Variants in AJAP1 observed in about 807,000 individuals in gnomAD.
The protein encoded by AJAP1 is adherens junction-associated protein 1.
Under a neutral mutation model 35.0 loss-of-function variants are expected in AJAP1, and 5 were observed. The observed-to-expected ratio is 0.14, with a 90% CI of 0.07 to 0.30. The LOEUF is 0.30. Among genes scored for constraint, AJAP1 ranks in the 10% least tolerant of loss-of-function variants. The pLI is 1.00. For missense variants in AJAP1, 586 were observed against 571.0 expected (o/e 1.03, Z -0.27); for synonymous variants, 284 against 249.3 (o/e 1.14, Z -1.31).
rs1639766727 is a variant in AJAP1 at position 4,692,541 on chromosome 1, T to C, written c.30-19359T>C. Among the ~76,000 whole-genome samples, 1 of 152,094 alleles carries C rather than the reference T, an allele frequency of 6.6e-6. No individual in the cohort carries two copies. The highest frequency in any genetic ancestry group is 1.5e-5 in the Non-Finnish European group (1 of 68,016). On this transcript the variant is annotated intron_variant, in intron 1 of 5. Transcript: ENST00000378191. This position sits in a 1 kb window ranked among gnomAD's most constrained non-coding sequence, Gnocchi z 4.4. ...GGAACTTCCTGGGAAAAGAGAAAAA[T>C]AGCTCAGCCCCAGCCTGGCCTCCGC...
chr1:4,733,135 C>T (rs1472736588), intron 2 of AJAP1, among the ~76,000 whole-genome samples: 1 of 152,172 alleles, frequency 6.6e-6, no homozygotes, highest in Non-Finnish European at 1.5e-5. Context: ...GGGCAGCCCC[C>T]ACCCCAGACC....
In AJAP1 at chr1:4,686,268, A is replaced by C. The variant is rs1253702527; in HGVS notation, c.30-25632A>C. ...TACCACGAATTGAGTGGCTTATAACAGCAGACATTTGTTGTCTCGGTCTGG... is the reference window on the plus strand; with the variant it reads ...TACCACGAATTGAGTGGCTTATAACCGCAGACATTTGTTGTCTCGGTCTGG... On this transcript the variant is annotated intron_variant, in intron 1 of 5. Coordinates refer to ENST00000378191, the MANE Select transcript of AJAP1 (RefSeq NM_018836.4). Among the ~76,000 whole-genome samples, 4 of 152,262 alleles carry C rather than the reference A, an allele frequency of 2.6e-5. No individual in the cohort carries two copies. In the East Asian group the frequency reaches 7.7e-4, roughly 29 times the overall value.
chr1:4,658,695 CT>C (rs1638936829), intron 1 of AJAP1, among the ~76,000 whole-genome samples: 1 of 152,248 alleles, frequency 6.6e-6, no homozygotes, highest in South Asian at 2.1e-4. Context: ...TGGGGATACA[CT>C]GGCCAAGTGG....
chr1:4,690,344 C>A (rs972437214), intron 1 of AJAP1, among the ~76,000 whole-genome samples: 1 of 152,198 alleles, frequency 6.6e-6, no homozygotes, highest in Non-Finnish European at 1.5e-5. Context: ...AAGTCCAGCC[C>A]TTCCCCACTT....
At chr1:4,684,862 G>A (rs887802586) in intron 1 of AJAP1, among the ~76,000 whole-genome samples, 1 of 152,164 alleles carries the variant, frequency 6.6e-6, no homozygotes. Context: ...CACCAGAGCT[G>A]TCAAAGGGGC....
At chr1:4,683,990 G>C (rs562747491) in intron 1 of AJAP1, among the ~76,000 whole-genome samples, 1 of 152,198 alleles carries the variant, frequency 6.6e-6, no homozygotes, top group African/African-American at 2.4e-5. Context: ...TGAGAGGGAG[G>C]CATGAAGAAT....
At chr1:4,776,978 C>A (rs1305301889) in intron 5 of AJAP1, among the ~76,000 whole-genome samples, 1 of 152,226 alleles carries the variant, frequency 6.6e-6, no homozygotes, top group Non-Finnish European at 1.5e-5. Flanking sequence ...CCTGAAGTAG[C>A]TGTGGACCAG....
At chr1:4,719,538 A>AG (rs1433934759) in intron 2 of AJAP1, among the ~76,000 whole-genome samples, 4 of 152,138 alleles carry the variant, frequency 2.6e-5, no homozygotes, top group Non-Finnish European at 5.9e-5. Flanking sequence ...AGGCATAGGA[A>AG]GAGCCCATCT....
intron 2 of AJAP1, among the ~76,000 whole-genome samples, chr1:4,726,077 C>A (rs1387793909): frequency 6.6e-6 from 1 of 152,180 alleles, no homozygotes; most frequent in East Asian, 1.9e-4. Context: ...CCCAGGAGAC[C>A]TGGAGTCCTT....
chr1:4,760,290 C>T (rs1207727988), intron 2 of AJAP1, among the ~76,000 whole-genome samples: 2 of 150,692 alleles, frequency 1.3e-5, no homozygotes, highest in Non-Finnish European at 3.0e-5. Flanking sequence ...TGTGTGTGTG[C>T]ATGTGCGGGC....
chr1:4,738,268 G>C (rs1640976739), intron 2 of AJAP1, among the ~76,000 whole-genome samples: 1 of 152,248 alleles, frequency 6.6e-6, no homozygotes, highest in African/African-American at 2.4e-5. Context: ...GGCCCACAAG[G>C]GTGATTGTCT....
chr1:4,770,945 G>T (rs145540130), intron 3 of AJAP1, among the ~76,000 whole-genome samples: 2 of 151,940 alleles, frequency 1.3e-5, no homozygotes, highest in Non-Finnish European at 2.9e-5. Context: ...AGAACAACAC[G>T]GAGCTCACAG....
At chr1:4,761,827 A>G (rs953343625) in intron 2 of AJAP1, among the ~76,000 whole-genome samples, 1 of 152,156 alleles carries the variant, frequency 6.6e-6, no homozygotes, top group Non-Finnish European at 1.5e-5. Flanking sequence ...GTCTTCTCAC[A>G]TTCTTCTGCC....
intron 2 of AJAP1, among the ~76,000 whole-genome samples, chr1:4,755,899 G>C (rs756524260): frequency 6.6e-6 from 1 of 152,142 alleles, no homozygotes; most frequent in Non-Finnish European, 1.5e-5. Flanking sequence ...CAGGGTTCTT[G>C]CTGAAGGCAG....
intron 1 of AJAP1, among the ~76,000 whole-genome samples, chr1:4,703,105 A>G (rs547494554): frequency 6.6e-6 from 1 of 152,306 alleles, no homozygotes; most frequent in East Asian, 1.9e-4. Flanking sequence ...GCTCCCTTCC[A>G]AAAGGGAGGG....
intron 2 of AJAP1, among the ~76,000 whole-genome samples, chr1:4,733,968 G>T (rs1395237869): frequency 6.6e-6 from 1 of 152,176 alleles, no homozygotes; most frequent in East Asian, 1.9e-4. Flanking sequence ...GAGCTGAATG[G>T]AGCGGTTCAC....
At chr1:4,675,098 G>A (rs924591340) in intron 1 of AJAP1, among the ~76,000 whole-genome samples, 31 of 152,180 alleles carry the variant, frequency 2.0e-4, no homozygotes, top group African/African-American at 7.0e-4. Flanking sequence ...CAAAACCCGT[G>A]CCCTCCTCTC....
intron 2 of AJAP1, among the ~76,000 whole-genome samples, chr1:4,735,979 T>C (rs1180024759): frequency 6.6e-6 from 1 of 152,226 alleles, no homozygotes; most frequent in East Asian, 1.9e-4. Context: ...CTGAGGTTCC[T>C]TAAGGCCCCA....
chr1:4,774,415 T>C lies in AJAP1; in HGVS notation c.1164-12T>C, dbSNP rs1557650122. On this transcript the variant is annotated splice_polypyrimidine_tract_variant and intron_variant, in intron 4 of 5. Transcript: ENST00000378191. ...ACCAGCACGCCAAAGCCCATTTTTC[T>C]GTTCACCGCAGACCCTCCTCTTCTG... 1 of 1,614,118 alleles carries C rather than the reference T, an allele frequency of 6.2e-7. No homozygotes were observed. Among genetic ancestry groups the C allele is most frequent in the Non-Finnish European group, 8.5e-7 (1 of 1,179,938 alleles).
Sources: allele counts gnomAD v4.1 joint callset (sites outside exome capture counted in the v4.1 genomes callset), GRCh38; gene constraint gnomAD v4.1.1; non-coding constraint Gnocchi (gnomAD v3.1); transcripts MANE v1.5; gene names NCBI Gene and HGNC (gene_info 2026-07-23, HGNC 2026-07-21).